Variants in CDH13 observed in about 807,000 individuals in gnomAD.
The protein encoded by CDH13 is cadherin 13, also known as cadherin-13.
In CDH13, 24 loss-of-function variants were observed where a neutral mutation model predicts 63.8. The observed-to-expected ratio is 0.38, with a 90% CI of 0.27 to 0.53. CDH13 has a LOEUF of 0.53. Among genes scored for constraint, CDH13 ranks in the 20% least tolerant of loss-of-function variants. CDH13 has a pLI of 0.85. For synonymous variants in CDH13, 503 were observed against 355.3 expected, an observed-to-expected ratio of 1.42 and a Z score of -4.67; for missense variants, 1,049 against 903.1, an observed-to-expected ratio of 1.16 and a Z score of -2.07.
At chr16:83,779,599 G>A (rs1053494697) in intron 11 of CDH13, among the ~76,000 whole-genome samples, 2 of 152,078 alleles carry the variant, frequency 1.3e-5, no homozygotes, top group African/African-American at 4.8e-5. Context: ...GAGGCAGGAT[G>A]ATTGCTTGAC....
intron 6 of CDH13, among the ~76,000 whole-genome samples, chr16:83,455,388 T>C (rs1227668393): frequency 6.6e-6 from 1 of 152,170 alleles, no homozygotes; most frequent in African/African-American, 2.4e-5. Flanking sequence ...CTGGCCCACC[T>C]GAGGCTCTGG....
chr16:82,726,143 G>C (rs1219402818), intron 1 of CDH13, among the ~76,000 whole-genome samples: 2 of 152,196 alleles, frequency 1.3e-5, no homozygotes, highest in Non-Finnish European at 2.9e-5. Flanking sequence ...GTAAATGTGT[G>C]TGTGCTGTGT....
chr16:82,809,812 C>T (rs922856080), intron 1 of CDH13, among the ~76,000 whole-genome samples: 1 of 152,042 alleles, frequency 6.6e-6, no homozygotes, highest in East Asian at 1.9e-4. Flanking sequence ...TTTACCATGC[C>T]ATTAACAAAA....
chr16:83,485,237 G>A (rs758023819), intron 6 of CDH13, among the ~76,000 whole-genome samples: 9 of 152,264 alleles, frequency 5.9e-5, no homozygotes, highest in South Asian at 2.1e-4. Context: ...GATCCCTTGC[G>A]GACACGTGCA....
At chr16:82,723,914 C>T (rs12716952) in intron 1 of CDH13, among the ~76,000 whole-genome samples, 26,854 of 152,072 alleles carry the variant, frequency 0.18, 2,510 homozygotes, top group Middle Eastern at 0.23. Context: ...ATTCCCACTC[C>T]GTCTTCCACT....
At chr16:82,843,456 C>G (rs1324116315) in intron 1 of CDH13, among the ~76,000 whole-genome samples, 1 of 152,184 alleles carries the variant, frequency 6.6e-6, no homozygotes, top group Non-Finnish European at 1.5e-5. Flanking sequence ...TATACTCCGA[C>G]CCAGGGGAAG....
At chr16:82,708,384 C>A (rs1391935726) in intron 1 of CDH13, among the ~76,000 whole-genome samples, 1 of 152,166 alleles carries the variant, frequency 6.6e-6, no homozygotes, top group Non-Finnish European at 1.5e-5. Context: ...CACTGAACAA[C>A]CAGGCATCAG....
intron 1 of CDH13, among the ~76,000 whole-genome samples, chr16:82,635,698 G>A (rs1213556909): frequency 1.3e-5 from 2 of 152,310 alleles, no homozygotes; most frequent in Admixed American, 6.5e-5. Context: ...CAGAGATGGG[G>A]CAGGTGATTG....
chr16:82,972,831 T>TCTG (rs1908961648), intron 2 of CDH13, among the ~76,000 whole-genome samples: 1 of 152,140 alleles, frequency 6.6e-6, no homozygotes, highest in African/African-American at 2.4e-5. Flanking sequence ...GTACAAAATA[T>TCTG]CTGCTGCAGG....
At chr16:83,595,979 C>T (rs998771023) in intron 7 of CDH13, among the ~76,000 whole-genome samples, 1 of 152,236 alleles carries the variant, frequency 6.6e-6, no homozygotes, top group African/African-American at 2.4e-5. Context: ...GGCAGCCAAG[C>T]TGCTTCTTCC....
chr16:83,707,285 T>C (rs1907222929), intron 10 of CDH13, among the ~76,000 whole-genome samples: 1 of 152,194 alleles, frequency 6.6e-6, no homozygotes, highest in Non-Finnish European at 1.5e-5. Context: ...TTTCGGTGAG[T>C]AGGAAGTAAT....
intron 3 of CDH13, among the ~76,000 whole-genome samples, chr16:83,063,254 G>T (rs907700683): frequency 6.6e-6 from 1 of 152,174 alleles, no homozygotes; most frequent in South Asian, 2.1e-4. Flanking sequence ...GAGCTATCAC[G>T]CCCAGCCTGG....
chr16:82,858,930 T>G (rs533180120), intron 2 of CDH13: 42 of 168,268 alleles, frequency 2.5e-4, no homozygotes, highest in Non-Finnish European at 4.7e-4. Flanking sequence ...TCAAAAACTC[T>G]TATTCTTAAG....
chr16:83,028,624 A>G (rs973713856), intron 2 of CDH13, among the ~76,000 whole-genome samples: 1 of 152,256 alleles, frequency 6.6e-6, no homozygotes, highest in African/African-American at 2.4e-5. Flanking sequence ...TGTCCTATAC[A>G]TACATAGCTA....
intron 10 of CDH13, among the ~76,000 whole-genome samples, chr16:83,703,086 T>C (rs531802373): frequency 7.7e-4 from 117 of 152,336 alleles, no homozygotes; most frequent in African/African-American, 2.7e-3. Flanking sequence ...CCTTGGGTCA[T>C]GTATCTCTTT....
At chr16:83,377,428 G>C (rs924083316) in intron 6 of CDH13, among the ~76,000 whole-genome samples, 3 of 152,104 alleles carry the variant, frequency 2.0e-5, no homozygotes, top group Admixed American at 2.0e-4. Flanking sequence ...TATAGATTTA[G>C]GTTATAGTTT....
chr16:83,261,425 G>T (rs927876755), intron 5 of CDH13, among the ~76,000 whole-genome samples: 1 of 152,126 alleles, frequency 6.6e-6, no homozygotes, highest in African/African-American at 2.4e-5. Context: ...GGGGTTGGGG[G>T]TGCTCCTGGC....
intron 8 of CDH13, among the ~76,000 whole-genome samples, chr16:83,618,762 A>G (rs1354070645): frequency 6.6e-6 from 1 of 152,024 alleles, no homozygotes; most frequent in Non-Finnish European, 1.5e-5. Flanking sequence ...AATCAAGAAA[A>G]CTCAATGTTA....
intron 6 of CDH13, among the ~76,000 whole-genome samples, chr16:83,447,774 TA>T (rs1307897259): frequency 2.0e-5 from 3 of 149,458 alleles, no homozygotes; most frequent in African/African-American, 7.3e-5. Context: ...AATATTGATT[TA>T]TTTTTTATAA....
Sources: allele counts gnomAD v4.1 joint callset (sites outside exome capture counted in the v4.1 genomes callset), GRCh38; gene constraint gnomAD v4.1.1; transcripts MANE v1.5; gene names NCBI Gene and HGNC (gene_info 2026-07-23, HGNC 2026-07-21).